FAP: variants seen among roughly 807,000 people sequenced by gnomAD.
FAP encodes fibroblast activation protein alpha.
In FAP, 110 loss-of-function variants were observed where a neutral mutation model predicts 126.5. The ratio of observed to expected loss-of-function variants is 0.87; its 90% CI spans 0.74 to 1.02. FAP has a LOEUF of 1.02. Ranked by LOEUF, FAP falls within the 50% of genes least tolerant of loss-of-function variation. The pLI, the probability that FAP is intolerant of heterozygous loss-of-function variation, is 0.00. For synonymous variants in FAP, 334 were observed against 297.3 expected (o/e 1.12, Z -1.27); for missense variants, 919 against 909.2 (o/e 1.01, Z -0.14).
chr2:162,187,472 G>T (rs1211438350), intron 20 of FAP, among the ~76,000 whole-genome samples: 1 of 151,992 alleles, frequency 6.6e-6, no homozygotes, highest in African/African-American at 2.4e-5. Context: ...GACATGGCAA[G>T]AATTATTTGC....
At chr2:162,209,144 G>A (rs1230231344) in intron 12 of FAP, among the ~76,000 whole-genome samples, 1 of 151,456 alleles carries the variant, frequency 6.6e-6, no homozygotes, top group African/African-American at 2.4e-5. Context: ...TTTGTCCTTG[G>A]ATCATGGGCT....
chr2:162,202,827 C>G, intron 14 of FAP, 45 bp downstream of exon 14: 1 of 1,402,882 alleles, frequency 7.1e-7, no homozygotes, highest in Non-Finnish European at 1.0e-6. Context: ...TCCATCGGTG[C>G]CAATTAAAAC....
intron 2 of FAP, among the ~76,000 whole-genome samples, chr2:162,240,064 G>A (rs1314781024): frequency 1.3e-5 from 2 of 152,154 alleles, no homozygotes; most frequent in African/African-American, 4.8e-5. Context: ...ATTCACAGAC[G>A]AAGAGGGGTG....
intron 6 of FAP, among the ~76,000 whole-genome samples, chr2:162,222,389 C>T (rs1689445150): frequency 3.3e-5 from 5 of 152,256 alleles, no homozygotes; most frequent in Admixed American, 3.3e-4. Context: ...ACTCAGAATG[C>T]ATTAGATGGA....
intron 21 of FAP, among the ~76,000 whole-genome samples, chr2:162,180,009 A>G (rs1576135763): frequency 6.6e-6 from 1 of 151,690 alleles, no homozygotes; most frequent in Non-Finnish European, 1.5e-5. Context: ...GGGTTTCGTC[A>G]TGTTGGTCAG....
rs1690436166 is a variant in FAP at position 162,243,390 on chromosome 2, G to T, written c.-63C>A. Reference sequence around the variant, plus strand: ...TCAGAGCGTGGGTCACTGGATCTGTGAAAACCGTTGAAAAGGACCAAGTCT... The same window carrying T: ...TCAGAGCGTGGGTCACTGGATCTGTTAAAACCGTTGAAAAGGACCAAGTCT... On this transcript the variant is annotated 5_prime_UTR_variant, in exon 1 of 26. Transcript: ENST00000188790. 3.2e-6 allele frequency: 5 copies of T among 1,580,314 alleles called. No homozygotes were observed. Among genetic ancestry groups the T allele is most frequent in the Non-Finnish European group, 4.3e-6 (5 of 1,168,260 alleles).
rs764006751 is a variant in FAP, at chr2:162,226,620, A to G, written c.93T>C (p.Val31=). The change falls in exon 3 of 26, where the codon GTT becomes GTC. Residue 31 remains valine (V), a splice_region_variant and synonymous_variant. Transcript: ENST00000188790. The part of the protein sequence containing the change: ...VMCIVLRPSR[V]HNSEENTMRA... ...TCATTGTATTTTCTTCAGAGTTATGAACTTTGGGGGAAGAGCAAATACATC... is the reference window on the plus strand; with the variant it reads ...TCATTGTATTTTCTTCAGAGTTATGGACTTTGGGGGAAGAGCAAATACATC... The G allele has an allele frequency of 1.3e-6, 2 of 1,540,198 alleles. No individual in the cohort carries two copies. The highest frequency in any genetic ancestry group is 2.4e-5 in the South Asian group (2 of 84,034).
chr2:162,196,326 T>C (rs1046515684), intron 16 of FAP, among the ~76,000 whole-genome samples: 5 of 152,154 alleles, frequency 3.3e-5, no homozygotes, highest in Non-Finnish European at 7.4e-5. Context: ...TTTTATAGAA[T>C]GTTATTGCAG....
At chr2:162,218,856 T>C (rs1156813688) in intron 8 of FAP, among the ~76,000 whole-genome samples, 1 of 152,078 alleles carries the variant, frequency 6.6e-6, no homozygotes, top group Non-Finnish European at 1.5e-5. Context: ...CATAGTGATG[T>C]TATTGAGAAT....
intron 21 of FAP, among the ~76,000 whole-genome samples, chr2:162,179,817 T>C (rs1417684734): frequency 6.9e-6 from 1 of 145,136 alleles, no homozygotes; most frequent in African/African-American, 2.6e-5. Flanking sequence ...TATATATTTT[T>C]TTTTTTTTTG....
intron 20 of FAP, among the ~76,000 whole-genome samples, chr2:162,187,413 C>T (rs1026034693): frequency 3.3e-5 from 5 of 151,976 alleles, no homozygotes; most frequent in African/African-American, 1.2e-4. Flanking sequence ...AACTATTATT[C>T]TTAGCTTCAC....
chr2:162,191,251 T>A (rs899051083), intron 17 of FAP, among the ~76,000 whole-genome samples: 1 of 152,144 alleles, frequency 6.6e-6, no homozygotes, highest in South Asian at 2.1e-4. Flanking sequence ...TTCATTCTAT[T>A]CTTAGCTATC....
At chr2:162,216,455 G>T (rs1689164796) in intron 9 of FAP, among the ~76,000 whole-genome samples, 1 of 152,126 alleles carries the variant, frequency 6.6e-6, no homozygotes, top group South Asian at 2.1e-4. Flanking sequence ...ATATGATTTG[G>T]TCTAGGACAA....
Position 162,188,290 on chromosome 2 carries a change from C to T in FAP, c.1693G>A (p.Glu565Lys), listed in dbSNP as rs1167702696. The change falls in exon 20 of 26, where the codon GAA becomes AAA. Residue 565 changes from glutamate to lysine, a missense_variant. Transcript: ENST00000188790. ...VNWISYLASK[E>K]GMVIALVDGR... Reference sequence around the variant, plus strand: ...TCCACCAAGGCAATGACCATCCCTTCCTTACTTGCAAGATAAGATATCCAA... The same window carrying T: ...TCCACCAAGGCAATGACCATCCCTTTCTTACTTGCAAGATAAGATATCCAA... 1 of 1,613,372 alleles carries T rather than the reference C, an allele frequency of 6.2e-7. No individual in the cohort carries two copies.
At chr2:162,178,975 G>A (rs1413227754) in intron 21 of FAP, among the ~76,000 whole-genome samples, 1 of 152,012 alleles carries the variant, frequency 6.6e-6, no homozygotes, top group Non-Finnish European at 1.5e-5. Flanking sequence ...CTACTTCACT[G>A]ACTAATTCAG....
chr2:162,173,116 T>C (rs1337249355), intron 24 of FAP, 33 bp downstream of exon 24: 5 of 1,576,940 alleles, frequency 3.2e-6, no homozygotes, highest in African/African-American at 1.3e-5. Flanking sequence ...TGGCTCAGTA[T>C]TTTTATGTGT....
intron 12 of FAP, among the ~76,000 whole-genome samples, chr2:162,208,043 G>C (rs898048534): frequency 2.5e-4 from 37 of 150,348 alleles, no homozygotes; most frequent in Admixed American, 2.2e-3. Flanking sequence ...GGATCACGAG[G>C]TCAAGAGATT....
intron 2 of FAP, among the ~76,000 whole-genome samples, chr2:162,232,200 T>C (rs1426970783): frequency 6.6e-6 from 1 of 152,224 alleles, no homozygotes; most frequent in Non-Finnish European, 1.5e-5. Flanking sequence ...TAGAAAGTGT[T>C]ATAATTTATA....
chr2:162,193,654 T>C (rs1326789108), intron 17 of FAP: 1 of 152,192 alleles, frequency 6.6e-6, no homozygotes, highest in Non-Finnish European at 1.5e-5. Context: ...CTGTTATTCT[T>C]AAAAGTATTT....
Sources: gnomAD v4.1 joint callset for allele counts (sites outside exome capture counted in the v4.1 genomes callset) on GRCh38, gnomAD v4.1.1 for gene constraint, MANE v1.5 for transcripts, NCBI Gene and HGNC (gene_info 2026-07-23, HGNC 2026-07-21) for gene names.